The following LRRC37A2 variants were observed in gnomAD, a reference collection of about 807,000 sequenced individuals.
LRRC37A2 encodes leucine-rich repeat-containing protein 37A2.
LRRC37A2 carries 9 observed loss-of-function variants against 68.8 expected under a neutral mutation model. The ratio of observed to expected loss-of-function variants is 0.13; its 90% CI spans 0.08 to 0.23. The LOEUF (loss-of-function observed/expected upper bound fraction) is 0.23. Among genes scored for constraint, LRRC37A2 ranks in the 10% least tolerant of loss-of-function variants. The pLI is 1.00. For missense variants in LRRC37A2, 168 were observed against 950.4 expected, an observed-to-expected ratio of 0.18 and a Z score of 10.82; for synonymous variants, 63 against 367.6, an observed-to-expected ratio of 0.17 and a Z score of 9.48.
the LRRC37A2 span, chr17:46,923,264 G>A: frequency 3.9e-6 from 6 of 1,549,908 alleles, no homozygotes; most frequent in Non-Finnish European, 5.2e-6. Context: ...GACGAGGCGA[G>A]GCCAGGTGAG....
the LRRC37A2 span, among the ~76,000 whole-genome samples, chr17:46,896,225 C>T: frequency 1.3e-5 from 2 of 150,936 alleles, no homozygotes; most frequent in African/African-American, 2.4e-5. Context: ...ACCCGGGAGA[C>T]GGAGGTTGCG....
At chr17:46,912,407 A>C in the LRRC37A2 span, among the ~76,000 whole-genome samples, 2 of 152,214 alleles carry the variant, frequency 1.3e-5, no homozygotes, top group Admixed American at 6.5e-5. Context: ...ACCTGGGGAC[A>C]TATTAGTCAG....
At chr17:46,979,775 A>G in the LRRC37A2 span, among the ~76,000 whole-genome samples, 1 of 122,400 alleles carries the variant, frequency 8.2e-6, no homozygotes, top group Admixed American at 8.7e-5. Context: ...TTTAAATTAA[A>G]AAATAAATTA....
At chr17:46,818,676 C>T in the LRRC37A2 span, 1 of 1,340,804 alleles carries the variant, frequency 7.5e-7, no homozygotes, top group Non-Finnish European at 1.0e-6. Flanking sequence ...GAACAAAGTC[C>T]ACTTGAGATT....
the LRRC37A2 span, among the ~76,000 whole-genome samples, chr17:47,003,943 T>C: frequency 1.2e-4 from 18 of 152,188 alleles, no homozygotes; most frequent in Admixed American, 1.0e-3. Flanking sequence ...GTTGTTCAAT[T>C]CCCACCTATG....
At chr17:46,768,596 C>G in the LRRC37A2 span, 1 of 1,614,168 alleles carries the variant, frequency 6.2e-7, no homozygotes, top group Non-Finnish European at 8.5e-7. The surrounding 1 kb of genome is among the most constrained non-coding windows in gnomAD (Gnocchi z 5.0). Flanking sequence ...GCTTGAAGAG[C>G]GAGTACTTGG....
the LRRC37A2 span, among the ~76,000 whole-genome samples, chr17:46,896,452 A>AAGAAAGAAAGAAAGAAAAAGAAAAAG: frequency 1.5e-5 from 1 of 65,880 alleles, no homozygotes. Flanking sequence ...GAAAGAAAGA[A>AAGAAAGAAAGAAAGAAAAAGAAAAAG]AAAGAAAGAA....
At chr17:46,532,448 C>G (rs1339467717) in intron 6 of LRRC37A2, among the ~76,000 whole-genome samples, 2 of 149,816 alleles carry the variant, frequency 1.3e-5, no homozygotes, top group African/African-American at 2.5e-5. Flanking sequence ...AGGAAATGTT[C>G]TTTCCTCATC....
At chr17:46,859,689 C>T in the LRRC37A2 span, among the ~76,000 whole-genome samples, 10 of 152,100 alleles carry the variant, frequency 6.6e-5, no homozygotes, top group African/African-American at 1.9e-4. Flanking sequence ...CATTGTATTT[C>T]GGCATAGATT....
At chr17:46,501,701 T>G in the LRRC37A2 span, among the ~76,000 whole-genome samples, 12 of 151,268 alleles carry the variant, frequency 7.9e-5, 1 homozygote, top group Admixed American at 2.6e-4. Flanking sequence ...AGCCACAGAA[T>G]GATATCTCAT....
the LRRC37A2 span, among the ~76,000 whole-genome samples, chr17:46,844,258 A>G: frequency 6.6e-6 from 1 of 151,042 alleles, no homozygotes; most frequent in African/African-American, 2.4e-5. Context: ...TATCCAGCCT[A>G]TACTTTATAT....
chr17:46,986,561 T>A, the LRRC37A2 span, among the ~76,000 whole-genome samples: 1 of 152,200 alleles, frequency 6.6e-6, no homozygotes, highest in African/African-American at 2.4e-5. Context: ...GTTGCCCATT[T>A]GTTCACAAGC....
chr17:46,974,257 G>A, the LRRC37A2 span, among the ~76,000 whole-genome samples: 1 of 152,216 alleles, frequency 6.6e-6, no homozygotes, highest in African/African-American at 2.4e-5. Context: ...CCAGACGCTA[G>A]GTCTGCCATC....
chr17:46,540,265 CTCATGAGTCAAGAGATGAT>C lies in LRRC37A2; in HGVS notation c.2978+20_2978+38del, dbSNP rs767725845. 7 of 1,486,910 alleles carry C rather than the reference CTCATGAGTCAAGAGATGAT, an allele frequency of 4.7e-6. No homozygotes were observed. The African/African-American group carries it at 9.8e-5, about 21-fold the overall frequency. 92.1% of individuals were successfully genotyped at this position (1,486,910 alleles called of 1,614,324 possible). A position where few individuals can be genotyped will look rare whatever the true frequency, so the allele number is the denominator to read the frequency against. ...AAATATCTGTAAGTACTATAGTACT[CTCATGAGTCAAGAGATGAT>C]TTATGCTTTTTAAATTTTTCATCAA... is the stretch of plus-strand genomic sequence containing the variant. On this transcript the variant is annotated intron_variant, in intron 7 of 14. Coordinates refer to ENST00000576629, the Ensembl canonical transcript of LRRC37A2.
At chr17:47,037,578 G>GT in the LRRC37A2 span, among the ~76,000 whole-genome samples, 1 of 152,180 alleles carries the variant, frequency 6.6e-6, no homozygotes, top group African/African-American at 2.4e-5. Context: ...ATACTGGTCT[G>GT]TAATTTTTTG....
At chr17:46,781,495 C>A in the LRRC37A2 span, among the ~76,000 whole-genome samples, 16 of 151,916 alleles carry the variant, frequency 1.1e-4, no homozygotes, top group African/African-American at 3.9e-4. Flanking sequence ...AGCAACCAGA[C>A]ACATAAGGAC....
chr17:46,722,272 CTG>C, the LRRC37A2 span: 1 of 929,574 alleles, frequency 1.1e-6, no homozygotes, highest in African/African-American at 1.6e-5. Context: ...TGGGGGGAGT[CTG>C]TAAGATACGG....
the LRRC37A2 span, among the ~76,000 whole-genome samples, chr17:46,791,967 G>C: frequency 1.3e-5 from 2 of 152,242 alleles, no homozygotes; most frequent in Non-Finnish European, 2.9e-5. Flanking sequence ...TTGAGCCCAG[G>C]AGTTTGAGGC....
the LRRC37A2 span, among the ~76,000 whole-genome samples, chr17:46,480,059 T>A: frequency 5.8e-5 from 6 of 102,792 alleles, no homozygotes; most frequent in Admixed American, 9.5e-5. Context: ...TGGTGCAATC[T>A]CGGCTCACTG....
Sources: gnomAD v4.1 joint callset for allele counts (sites outside exome capture counted in the v4.1 genomes callset) on GRCh38, gnomAD v4.1.1 for gene constraint, Gnocchi (gnomAD v3.1) non-coding constraint, MANE v1.5 for transcripts, NCBI Gene and HGNC (gene_info 2026-07-23, HGNC 2026-07-21) for gene names.